The following MCTP1 variants were observed in gnomAD, a reference collection of about 807,000 sequenced individuals.
MCTP1 encodes the protein multiple C2 and transmembrane domain containing 1, also known as multiple C2 and transmembrane domain-containing protein 1.
MCTP1 carries 69 observed loss-of-function variants against 120.6 expected under a neutral mutation model. The ratio of observed to expected loss-of-function variants is 0.57; its 90% CI spans 0.47 to 0.70. The LOEUF is 0.70. Among genes scored for constraint, MCTP1 ranks in the 30% least tolerant of loss-of-function variants. The pLI is 0.00. For missense variants in MCTP1, 1,203 were observed against 1,248.8 expected, an observed-to-expected ratio of 0.96 and a Z score of 0.55; for synonymous variants, 529 against 493.1, an observed-to-expected ratio of 1.07 and a Z score of -0.96.
rs114886930 is a variant in MCTP1 at position 94,887,035 on chromosome 5, C to T, written c.1933+1844G>A. On this transcript the variant is annotated intron_variant, in intron 12 of 22. Transcript: ENST00000515393. ...CAGAAGGTCCAAGAGTGAGCAAGGT[C>T]AAAGACTGAATTATCTTTTTGCCCC... Among the ~76,000 whole-genome samples the T allele has an allele frequency of 2.4e-3, 366 of 152,266 alleles. 1 individual carries two copies. The highest frequency in any genetic ancestry group is 8.2e-3 in the African/African-American group (340 of 41,558).
At chr5:95,217,447 A>G (rs745815385) in intron 1 of MCTP1, among the ~76,000 whole-genome samples, 10 of 152,236 alleles carry the variant, frequency 6.6e-5, no homozygotes, top group Non-Finnish European at 1.2e-4. Flanking sequence ...CTAACTATAG[A>G]TAACTATATT....
intron 18 of MCTP1, chr5:94,792,899 C>T (rs1025663852): frequency 1.3e-5 from 2 of 152,186 alleles, no homozygotes; most frequent in Non-Finnish European, 1.5e-5. Flanking sequence ...GAATATAGAA[C>T]ATCCACTTAA....
At chr5:95,161,497 C>T (rs994315931) in intron 1 of MCTP1, among the ~76,000 whole-genome samples, 5 of 151,800 alleles carry the variant, frequency 3.3e-5, no homozygotes, top group Middle Eastern at 3.2e-3. Context: ...GTTTCGGTTA[C>T]GAGAAATAAG....
chr5:95,058,997 C>T (rs1055555245), intron 1 of MCTP1, among the ~76,000 whole-genome samples: 29 of 152,170 alleles, frequency 1.9e-4, no homozygotes, highest in African/African-American at 7.0e-4. Context: ...TAGTGACAAG[C>T]ATATACATGC....
intron 20 of MCTP1, among the ~76,000 whole-genome samples, chr5:94,713,917 ATAAC>A (rs1261142605): frequency 1.3e-5 from 2 of 152,112 alleles, no homozygotes; most frequent in East Asian, 1.9e-4. Context: ...CTGGCTATGA[ATAAC>A]AAACAATGAA....
intron 1 of MCTP1, among the ~76,000 whole-genome samples, chr5:95,187,593 G>T (rs771271564): frequency 9.2e-5 from 14 of 152,076 alleles, no homozygotes; most frequent in Non-Finnish European, 1.6e-4. Flanking sequence ...GTAGAGATAG[G>T]GTTTCACCAT....
At chr5:95,197,922 C>T (rs895497981) in intron 1 of MCTP1, among the ~76,000 whole-genome samples, 7 of 152,072 alleles carry the variant, frequency 4.6e-5, no homozygotes, top group African/African-American at 1.7e-4. Flanking sequence ...CTAGATTACA[C>T]ATAATACCTA....
intron 1 of MCTP1, among the ~76,000 whole-genome samples, chr5:95,154,789 TATTAG>T (rs1381025932): frequency 6.6e-6 from 1 of 152,114 alleles, no homozygotes; most frequent in Non-Finnish European, 1.5e-5. Context: ...TAATATTAAA[TATTAG>T]AATAGTTTTT....
At chr5:94,895,197 C>G (rs981375938) in intron 10 of MCTP1, among the ~76,000 whole-genome samples, 1 of 152,106 alleles carries the variant, frequency 6.6e-6, no homozygotes, top group African/African-American at 2.4e-5. Context: ...AGACCAACTA[C>G]CAAAATTCTG....
At chr5:95,035,646 A>T (rs1180210773) in intron 1 of MCTP1, among the ~76,000 whole-genome samples, 1 of 152,114 alleles carries the variant, frequency 6.6e-6, no homozygotes, top group Non-Finnish European at 1.5e-5. Flanking sequence ...TGATAGGTTC[A>T]CTAGAAGCCC....
At chr5:94,923,922 C>CA in intron 7 of MCTP1, 40 bp downstream of exon 7, 1 of 1,362,352 alleles carries the variant, frequency 7.3e-7, no homozygotes, top group East Asian at 2.6e-5. Context: ...TATCCAAAAC[C>CA]AAAAATCAAG....
chr5:94,908,000 A>G (rs1409214116), intron 10 of MCTP1, among the ~76,000 whole-genome samples: 1 of 152,122 alleles, frequency 6.6e-6, no homozygotes, highest in African/African-American at 2.4e-5. Context: ...ATAACCAAAG[A>G]AAATGAACTA....
intron 17 of MCTP1, among the ~76,000 whole-genome samples, chr5:94,853,893 T>C (rs1236141003): frequency 6.6e-6 from 1 of 151,850 alleles, no homozygotes. Flanking sequence ...CATCAGATTA[T>C]CTAGCTGACA....
chr5:94,999,423 T>G (rs1833220802), intron 2 of MCTP1, among the ~76,000 whole-genome samples: 1 of 152,196 alleles, frequency 6.6e-6, no homozygotes, highest in South Asian at 2.1e-4. Flanking sequence ...CAAATTCTTC[T>G]ATAATCAAAT....
At chr5:95,023,104 T>C (rs1838514024) in intron 1 of MCTP1, among the ~76,000 whole-genome samples, 1 of 152,106 alleles carries the variant, frequency 6.6e-6, no homozygotes, top group African/African-American at 2.4e-5. Flanking sequence ...TGATATACAG[T>C]GAGGCCCAGC....
chr5:94,907,962 G>A (rs1807363564), intron 10 of MCTP1, among the ~76,000 whole-genome samples: 2 of 152,100 alleles, frequency 1.3e-5, no homozygotes, highest in Non-Finnish European at 2.9e-5. Flanking sequence ...TGATTATCTT[G>A]TGGTCACCAA....
chr5:94,712,341 CAT>C (rs1160396961), intron 20 of MCTP1, among the ~76,000 whole-genome samples: 1 of 151,976 alleles, frequency 6.6e-6, no homozygotes, highest in African/African-American at 2.4e-5. Flanking sequence ...TTCAGCAAAA[CAT>C]ATTGTTCATG....
chr5:94,941,169 C>G (rs752699602), intron 4 of MCTP1, among the ~76,000 whole-genome samples: 1 of 151,932 alleles, frequency 6.6e-6, no homozygotes, highest in Non-Finnish European at 1.5e-5. Context: ...AGTCTAGTCA[C>G]TTGATATCCT....
Position 95,190,626 on chromosome 5 carries a change from C to T in MCTP1, c.720+93230G>A, listed in dbSNP as rs114799477. Among the ~76,000 whole-genome samples the T allele has an allele frequency of 6.4e-3, 967 of 152,052 alleles. 5 individuals carry two copies. Among genetic ancestry groups the T allele is most frequent in the Non-Finnish European group, 0.011 (724 of 67,906 alleles). On this transcript the variant is annotated intron_variant, in intron 1 of 22. Coordinates refer to ENST00000515393, the MANE Select transcript of MCTP1 (RefSeq NM_024717.7). ...AGGATTCCATGTCATTTACTAGCTA[C>T]TTGCTTCCAAGTTTCCTTACTAAAA...
Sources: gnomAD v4.1 joint callset for allele counts (sites outside exome capture counted in the v4.1 genomes callset) on GRCh38, gnomAD v4.1.1 for gene constraint, MANE v1.5 for transcripts, NCBI Gene and HGNC (gene_info 2026-07-23, HGNC 2026-07-21) for gene names.